FRA10AC1: variants seen among roughly 807,000 people sequenced by gnomAD.
FRA10AC1 encodes the protein protein FRA10AC1.
Under a neutral mutation model 56.5 loss-of-function variants are expected in FRA10AC1, and 43 were observed. The ratio of observed to expected loss-of-function variants is 0.76; its 90% CI spans 0.60 to 0.98. The LOEUF is 0.98. Among genes scored for constraint, FRA10AC1 ranks in the 50% least tolerant of loss-of-function variants. The pLI is 0.00. For missense variants in FRA10AC1, 346 were observed against 351.8 expected (o/e 0.98, Z 0.13); for synonymous variants, 112 against 110.5 (o/e 1.01, Z -0.09).
intron 12 of FRA10AC1, chr10:93,675,711 A>C (rs1028278733): frequency 3.0e-6 from 1 of 331,824 alleles, no homozygotes; most frequent in African/African-American, 2.2e-5. Flanking sequence ...TCTCCAAAAA[A>C]ATAAAATAAA....
chr10:93,690,782 G>C (rs1214571122), intron 7 of FRA10AC1, among the ~76,000 whole-genome samples: 2 of 152,134 alleles, frequency 1.3e-5, no homozygotes, highest in Admixed American at 6.5e-5. Flanking sequence ...ACCAGATGTG[G>C]TACAGAGAAG....
In FRA10AC1 at chr10:93,676,609, T is replaced by C. The variant is rs768714551; in HGVS notation, c.826+44A>G. The stretch of plus-strand genomic sequence containing the variant: ...ATTCATGGGAAATCTAAATTGCAAA[T>C]ACCTCAAATGCATATTTTTATTAAA... On this transcript the variant is annotated intron_variant, in intron 12 of 13. Coordinates refer to ENST00000359204, the MANE Select transcript of FRA10AC1 (RefSeq NM_145246.5). The C allele has an allele frequency of 2.4e-5, 37 of 1,520,784 alleles. 1 individual carries two copies. In the East Asian group the frequency reaches 6.8e-4, roughly 28 times the overall value. 94.2% of individuals were successfully genotyped at this position (1,520,784 alleles called of 1,614,324 possible). A position where few individuals can be genotyped will look rare whatever the true frequency, so the allele number is the denominator to read the frequency against.
At chr10:93,696,579 T>C (rs1288356155) in intron 4 of FRA10AC1, among the ~76,000 whole-genome samples, 2 of 152,164 alleles carry the variant, frequency 1.3e-5, no homozygotes, top group Admixed American at 6.5e-5. Flanking sequence ...AGAAATAACA[T>C]CTGATCCAGC....
intron 12 of FRA10AC1, chr10:93,671,222 T>C (rs2058756326): frequency 5.6e-6 from 1 of 179,734 alleles, no homozygotes; most frequent in South Asian, 1.2e-4. Context: ...GATTTACATT[T>C]GTAGAGAACA....
intron 12 of FRA10AC1, among the ~76,000 whole-genome samples, chr10:93,675,921 T>A (rs2058832972): frequency 6.6e-6 from 1 of 152,206 alleles, no homozygotes; most frequent in South Asian, 2.1e-4. Context: ...GGATGTACCC[T>A]TTTATAAACC....
intron 1 of FRA10AC1, among the ~76,000 whole-genome samples, chr10:93,701,209 AAC>A (rs2059325920): frequency 6.6e-6 from 1 of 152,202 alleles, no homozygotes; most frequent in Non-Finnish European, 1.5e-5. Context: ...CTGAATTTGG[AAC>A]ACACACTAAG....
intron 12 of FRA10AC1, chr10:93,673,506 T>A (rs1286368765): frequency 8.0e-6 from 3 of 373,000 alleles, no homozygotes; most frequent in Non-Finnish European, 1.6e-5. Flanking sequence ...TTTTGAATAA[T>A]GAAAGTAGGT....
At position 93,692,722 on chromosome 10, in the gene FRA10AC1, C is replaced by A; in HGVS notation, c.304G>T (p.Asp102Tyr). The change falls in exon 6 of 14, where the codon GAC becomes TAC. Residue 102 changes from aspartate to tyrosine, a missense_variant. Coordinates refer to ENST00000359204, the MANE Select transcript of FRA10AC1 (RefSeq NM_145246.5). The stretch of plus-strand genomic sequence containing the variant: ...CGTATAACATCCAAGTCTGTCTTGT[C>A]ATTTTCCCTGGAAAACAGAACTTTT... ...KEDFKRLGEN[D>Y]KTDLDVIREN... 6.3e-7 allele frequency: 1 copy of A among 1,578,494 alleles called. No homozygotes were observed.
At position 93,669,670 on chromosome 10, in the gene FRA10AC1, C is replaced by T. The variant is rs116917664; in HGVS notation, c.*156G>A. ...TAATTGAACTAATGAACTTCCAAAG[C>T]CTCTGACATTCTGAGAGAACCTGGA... is the stretch of plus-strand genomic sequence containing the variant. On this transcript the variant is annotated 3_prime_UTR_variant, in exon 14 of 14. Coordinates refer to ENST00000359204, the MANE Select transcript of FRA10AC1 (RefSeq NM_145246.5). 4 of 607,628 alleles carry T rather than the reference C, an allele frequency of 6.6e-6. No individual in the cohort carries two copies. Among genetic ancestry groups the T allele is most frequent in the Middle Eastern group, 4.2e-4 (1 of 2,394 alleles). 37.6% of individuals were successfully genotyped at this position (607,628 alleles called of 1,614,324 possible).
chr10:93,698,354 T>C lies in FRA10AC1; in HGVS notation c.120A>G (p.Lys40=), dbSNP rs1564822761. 6.2e-7 allele frequency: 1 copy of C among 1,612,222 alleles called. No individual in the cohort carries two copies. The highest frequency in any genetic ancestry group is 8.5e-7 in the Non-Finnish European group (1 of 1,178,910). ...TATGGGCCACCTTTCCATGTTTTTC[T>C]TTCTGAAATGGTTTTTGGAGCAGTA... ...DDLLLQKPFQ[K]EKHGKVAHKQ... is the part of the protein sequence containing the mutation. The change falls in exon 3 of 14, where the codon AAA becomes AAG. Residue 40 remains lysine (K), a synonymous_variant. Coordinates refer to ENST00000359204, the MANE Select transcript of FRA10AC1 (RefSeq NM_145246.5).
At chr10:93,670,432 T>A (rs757328215) in intron 13 of FRA10AC1, among the ~76,000 whole-genome samples, 13 of 152,144 alleles carry the variant, frequency 8.5e-5, no homozygotes, top group Admixed American at 3.3e-4. Context: ...GTACTTCCCA[T>A]GCAAGGGATT....
chr10:93,678,065 T>C lies in FRA10AC1; in HGVS notation c.788-1374A>G, dbSNP rs367759860. 1.1e-4 allele frequency among the ~76,000 whole-genome samples: 17 copies of C among 152,306 alleles called. No individual in the cohort carries two copies. The East Asian group carries it at 1.9e-3, about 17-fold the overall frequency. On this transcript the variant is annotated intron_variant, in intron 11 of 13. Coordinates refer to ENST00000359204, the MANE Select transcript of FRA10AC1 (RefSeq NM_145246.5). ...TAAACAATTTATTCCAAGGATACTA[T>C]GTATTTCTAAAGGAGAAGTGACAGG... is the stretch of plus-strand genomic sequence containing the variant.
At chr10:93,673,226 C>T (rs187354119) in intron 12 of FRA10AC1, 24 of 419,594 alleles carry the variant, frequency 5.7e-5, no homozygotes, top group South Asian at 1.7e-4. Context: ...GGCAGTTCTG[C>T]CAACCCAGAG....
At chr10:93,694,366 G>C (rs2059192029) in intron 5 of FRA10AC1, among the ~76,000 whole-genome samples, 1 of 152,002 alleles carries the variant, frequency 6.6e-6, no homozygotes, top group Admixed American at 6.6e-5. Flanking sequence ...CAAAAAAATG[G>C]GATTCATGAA....
chr10:93,685,579 T>G (rs1458862399), intron 8 of FRA10AC1: 5 of 334,838 alleles, frequency 1.5e-5, no homozygotes, highest in Non-Finnish European at 2.7e-5. Context: ...CTTGATAGAC[T>G]GTATTTAGAT....
intron 11 of FRA10AC1, among the ~76,000 whole-genome samples, chr10:93,678,693 G>T (rs1310237451): frequency 1.3e-5 from 2 of 152,046 alleles, no homozygotes; most frequent in African/African-American, 2.4e-5. Context: ...AATTAGCTGA[G>T]TATGGTAGTG....
chr10:93,686,928 C>CT (rs1423875410), intron 8 of FRA10AC1, among the ~76,000 whole-genome samples: 4 of 151,728 alleles, frequency 2.6e-5, no homozygotes, highest in Admixed American at 6.6e-5. Context: ...TGCTATTAGA[C>CT]TAAGTATTTG....
chr10:93,693,189 T>C (rs998599439), intron 5 of FRA10AC1, among the ~76,000 whole-genome samples: 2 of 132,112 alleles, frequency 1.5e-5, no homozygotes, highest in Admixed American at 7.7e-5. Flanking sequence ...CCTTTCAAAA[T>C]AAAATGCTAA....
chr10:93,688,821 C>T (rs1178292561), intron 7 of FRA10AC1, among the ~76,000 whole-genome samples: 1 of 151,168 alleles, frequency 6.6e-6, no homozygotes, highest in Admixed American at 6.6e-5. Context: ...ACTACAACAA[C>T]AAAAAATAAC....
Sources: gnomAD v4.1 joint callset for allele counts (sites outside exome capture counted in the v4.1 genomes callset) on GRCh38, gnomAD v4.1.1 for gene constraint, MANE v1.5 for transcripts, NCBI Gene and HGNC (gene_info 2026-07-23, HGNC 2026-07-21) for gene names.